Variants in DNAJC18 observed in about 807,000 individuals in gnomAD.
The protein encoded by DNAJC18 is DnaJ heat shock protein family (Hsp40) member C18, also known as dnaJ homolog subfamily C member 18.
Under a neutral mutation model 48.6 loss-of-function variants are expected in DNAJC18, and 40 were observed. The ratio of observed to expected loss-of-function variants is 0.82; its 90% CI spans 0.64 to 1.07. The LOEUF (loss-of-function observed/expected upper bound fraction) is 1.07. DNAJC18 is among the 50% of genes least tolerant of loss of function. The pLI is 0.00. For missense variants in DNAJC18, 340 were observed against 427.7 expected (o/e 0.79, Z 1.81); for synonymous variants, 135 against 152.2 (o/e 0.89, Z 0.83).
At position 139,410,773 on chromosome 5, in the gene DNAJC18, C is replaced by CT. The variant is rs1215289273; in HGVS notation, c.*3374dup. On this transcript the variant is annotated 3_prime_UTR_variant, in exon 8 of 8. Coordinates refer to ENST00000302060, the MANE Select transcript of DNAJC18 (RefSeq NM_152686.4). ...GTTCACTGTATTTTCTTTTTTCTTT[C>CT]TTTTTTTTTTTTTGAGACAGAGTCT... is the stretch of plus-strand genomic sequence containing the variant. 3.4e-3 allele frequency: 487 copies of CT among 145,250 alleles called. 1 individual carries two copies. Among genetic ancestry groups the CT allele is most frequent in the Middle Eastern group, 0.032 (9 of 282 alleles). The allele number at this position is 145,250 out of a possible 1,614,324, so 9.0% of individuals were successfully genotyped here.
chr5:139,419,953 G>T, intron 7 of DNAJC18, 100 bp downstream of exon 7: 2 of 1,213,180 alleles, frequency 1.6e-6, no homozygotes, highest in Non-Finnish European at 2.3e-6. Flanking sequence ...ACATAAACAT[G>T]CGTAGCCTCA....
intron 2 of DNAJC18, among the ~76,000 whole-genome samples, chr5:139,435,705 G>GTTTTTTTTTTGTTTTTT (rs1750628502): frequency 2.4e-5 from 1 of 41,194 alleles, no homozygotes; most frequent in African/African-American, 1.1e-4. Context: ...TTCATTGGAA[G>GTTTTTTTTTTGTTTTTT]TTTTTTTTTT....
At position 139,413,038 on chromosome 5, in the gene DNAJC18, CATAGAACCAGGGATA is replaced by C. The variant is rs1303628319; in HGVS notation, c.*1095_*1109del. Reference sequence around the variant, plus strand: ...TCCTCTCTGGGCCAATGTTCTCATTCATAGAACCAGGGATAATACATCTACTTCAGAGTTGTGAGG... The same window carrying C: ...TCCTCTCTGGGCCAATGTTCTCATTCATACATCTACTTCAGAGTTGTGAGG... On this transcript the variant is annotated 3_prime_UTR_variant, in exon 8 of 8. Transcript: ENST00000302060. 1 of 397,454 alleles carries C rather than the reference CATAGAACCAGGGATA, an allele frequency of 2.5e-6. No homozygotes were observed. The highest frequency in any genetic ancestry group is 4.4e-6 in the Non-Finnish European group (1 of 225,966). 24.6% of individuals were successfully genotyped at this position (397,454 alleles called of 1,614,324 possible). A position where few individuals can be genotyped will look rare whatever the true frequency, so the allele number is the denominator to read the frequency against.
In DNAJC18 at chr5:139,411,378, C is replaced by T. The variant is rs2152081598; in HGVS notation, c.*2770G>A. 1 of 152,346 alleles carries T rather than the reference C, an allele frequency of 6.6e-6. No homozygotes were observed. Among genetic ancestry groups the T allele is most frequent in the South Asian group, 2.1e-4 (1 of 4,828 alleles). The allele number at this position is 152,346 out of a possible 1,614,324, so 9.4% of individuals were successfully genotyped here. On this transcript the variant is annotated 3_prime_UTR_variant, in exon 8 of 8. Coordinates refer to ENST00000302060, the MANE Select transcript of DNAJC18 (RefSeq NM_152686.4). ...ATTTCTGAGCGCTGCTCCTCTCACA[C>T]ACGTCTCCAATCTGCAGTAATGCTC...
At chr5:139,414,367 A>C (rs1759040815) in intron 7 of DNAJC18, 95 bp from the exon 8 acceptor site, 1 of 1,477,740 alleles carries the variant, frequency 6.8e-7, no homozygotes, top group Non-Finnish European at 9.0e-7. Context: ...ACTTCATTTC[A>C]AGCTTTTTCT....
intron 7 of DNAJC18, chr5:139,418,672 A>T: frequency 2.2e-6 from 1 of 449,444 alleles, no homozygotes; most frequent in Non-Finnish European, 4.5e-6. Context: ...GCCGTACAGA[A>T]ATAGGGGGCA....
chr5:139,426,486 G>T, intron 3 of DNAJC18, 129 bp from the exon 4 acceptor site: 14 of 1,097,686 alleles, frequency 1.3e-5, no homozygotes, highest in African/African-American at 3.1e-5. Flanking sequence ...AAGAAGAGAT[G>T]CTTGGGCCTA....
chr5:139,434,049 G>A (rs922053307), intron 2 of DNAJC18, among the ~76,000 whole-genome samples: 6 of 151,832 alleles, frequency 4.0e-5, no homozygotes, highest in Non-Finnish European at 8.8e-5. Context: ...GCGCCACCAC[G>A]CCTGACTAGT....
intron 1 of DNAJC18, among the ~76,000 whole-genome samples, chr5:139,437,823 A>G (rs1750705173): frequency 6.6e-6 from 1 of 152,160 alleles, no homozygotes; most frequent in Non-Finnish European, 1.5e-5. Flanking sequence ...AGTAGAGAGG[A>G]GTTCAATTCT....
intron 2 of DNAJC18, among the ~76,000 whole-genome samples, chr5:139,430,802 C>T (rs1019475038): frequency 6.6e-6 from 1 of 152,084 alleles, no homozygotes; most frequent in African/African-American, 2.4e-5. Flanking sequence ...AACTCTTGAC[C>T]TCAAGTGATC....
rs1376187069 is a variant in DNAJC18 at position 139,414,139 on chromosome 5, A to C, written c.*9T>G. ...CAAAACCCCAGCCCTGCGTAGGACC[A>C]TTATCCTCTCAGCCACCTCTGCGTA... On this transcript the variant is annotated 3_prime_UTR_variant, in exon 8 of 8. Transcript: ENST00000302060. 6.2e-7 allele frequency: 1 copy of C among 1,612,182 alleles called. No homozygotes were observed. The highest frequency in any genetic ancestry group is 1.3e-5 in the African/African-American group (1 of 74,914).
At chr5:139,416,196 C>A (rs1212334543) in intron 7 of DNAJC18, among the ~76,000 whole-genome samples, 1 of 152,160 alleles carries the variant, frequency 6.6e-6, no homozygotes, top group Non-Finnish European at 1.5e-5. Context: ...CTACTTTTGA[C>A]AAATTCTGTT....
At position 139,412,721 on chromosome 5, in the gene DNAJC18, C is replaced by T; in HGVS notation, c.*1427G>A. ...AGCCCAGGCAGTGACTGAATTCTTC[C>T]TAGTCACCAGTGGAGGGCTGCCTGC... On this transcript the variant is annotated 3_prime_UTR_variant, in exon 8 of 8. Coordinates refer to ENST00000302060, the MANE Select transcript of DNAJC18 (RefSeq NM_152686.4). 1 of 398,694 alleles carries T rather than the reference C, an allele frequency of 2.5e-6. No individual in the cohort carries two copies. The highest frequency in any genetic ancestry group is 4.4e-5 in the Admixed American group (1 of 22,740). 24.7% of individuals were successfully genotyped at this position (398,694 alleles called of 1,614,324 possible).
chr5:139,437,555 T>C lies in DNAJC18; in HGVS notation c.44A>G (p.Tyr15Cys). ...TTTGTTTCTTCTAACTGCGTCAATG[T>C]AAGCTGCAAACAACAGCCCCTCCAT... ...LGSGERWTEA[Y>C]IDAVRRNKYP... is the part of the protein sequence containing the mutation. The change falls in exon 2 of 8, where the codon TAC becomes TGC. Residue 15 changes from tyrosine to cysteine, a missense_variant. By Grantham distance (194) the Tyr-to-Cys change is radical. Transcript: ENST00000302060. The C allele has an allele frequency of 6.2e-7, 1 of 1,610,526 alleles. No individual in the cohort carries two copies. The highest frequency in any genetic ancestry group is 8.5e-7 in the Non-Finnish European group (1 of 1,178,866).
At position 139,426,274 on chromosome 5, in the gene DNAJC18, T is replaced by A; in HGVS notation, c.457A>T (p.Thr153Ser). The A allele has an allele frequency of 3.1e-6, 5 of 1,614,196 alleles. No individual in the cohort carries two copies. In the South Asian group the frequency reaches 5.5e-5, roughly 18 times the overall value. ...DEYGDEQVTFTAPRARPYNYY... is the reference protein window; with the variant it reads ...DEYGDEQVTFSAPRARPYNYY... ...TTATAAGGTCTGGCTCGAGGGGCAG[T>A]GAAAGTCACCTGTTCATCTCCGTAT... is the stretch of plus-strand genomic sequence containing the variant. Residue 153 changes from threonine to serine, a missense_variant, in exon 4 of 8, where the codon ACT becomes TCT. Coordinates refer to ENST00000302060, the MANE Select transcript of DNAJC18 (RefSeq NM_152686.4).
rs201783854 is a variant in DNAJC18, at chr5:139,414,208, C to A, written c.1017G>T (p.Ser339=). The A allele has an allele frequency of 1.8e-5, 29 of 1,614,042 alleles. No homozygotes were observed. Among genetic ancestry groups the A allele is most frequent in the Non-Finnish European group, 2.4e-5 (28 of 1,180,036 alleles). ...GTTTCTCACAGTTTTCAAGTTTCAGCGACTCTGCTTTCTGTTTCAATCGTT... is the reference window on the plus strand; with the variant it reads ...GTTTCTCACAGTTTTCAAGTTTCAGAGACTCTGCTTTCTGTTTCAATCGTT... The part of the protein sequence containing the change: ...RDERLKQKAE[S]LKLENCEKLS... The change falls in exon 8 of 8, where the codon TCG becomes TCT. Residue 339 remains serine, a synonymous_variant. Transcript: ENST00000302060.
intron 7 of DNAJC18, among the ~76,000 whole-genome samples, chr5:139,416,680 G>A (rs1371500828): frequency 6.6e-6 from 1 of 152,224 alleles, no homozygotes; most frequent in Non-Finnish European, 1.5e-5. Flanking sequence ...AGGTTATCCT[G>A]CTCAAGGGTG....
Position 139,423,750 on chromosome 5 carries a change from C to CA in DNAJC18, c.670-934dup, listed in dbSNP as rs58355923. Among the ~76,000 whole-genome samples the CA allele has an allele frequency of 1.0e-2, 1,267 of 127,028 alleles. 7 individuals are homozygous for CA. Among genetic ancestry groups the CA allele is most frequent in the Non-Finnish European group, 0.014 (824 of 57,770 alleles). The allele number at this position is 127,028 out of a possible 152,430, so 83.3% of individuals were successfully genotyped here. On this transcript the variant is annotated intron_variant, in intron 5 of 7. Coordinates refer to ENST00000302060, the MANE Select transcript of DNAJC18 (RefSeq NM_152686.4). ...TGGTATAATGCAAATTTCCAAAATC[C>CA]AAAAAAAAAAAAAAATCTGAAATCT...
chr5:139,439,466 T>A lies in DNAJC18; in HGVS notation c.-21A>T. 6.2e-7 allele frequency: 1 copy of A among 1,613,570 alleles called. No individual in the cohort carries two copies. The highest frequency in any genetic ancestry group is 8.5e-7 in the Non-Finnish European group (1 of 1,179,892). The stretch of plus-strand genomic sequence containing the variant: ...GCCATATCGGTTCCCAATCAGCAGG[T>A]CCGCCGAGCCTCCCCCGTGCCCGAG... On this transcript the variant is annotated 5_prime_UTR_variant, in exon 1 of 8. Transcript: ENST00000302060. This position sits in a 1 kb window ranked among gnomAD's most constrained non-coding sequence, Gnocchi z 4.1.
Sources: allele counts gnomAD v4.1 joint callset (sites outside exome capture counted in the v4.1 genomes callset), GRCh38; gene constraint gnomAD v4.1.1; non-coding constraint Gnocchi (gnomAD v3.1); transcripts MANE v1.5; gene names NCBI Gene and HGNC (gene_info 2026-07-23, HGNC 2026-07-21).